The following FER variants were observed in gnomAD, a reference collection of about 807,000 sequenced individuals.
FER encodes the protein tyrosine-protein kinase Fer.
A neutral mutation model predicts 111.0 loss-of-function variants in FER; 63 were observed. The ratio of observed to expected loss-of-function variants is 0.57; its 90% confidence interval spans 0.46 to 0.70. The LOEUF is 0.70. FER is among the 30% of genes least tolerant of loss of function. The pLI, the probability that FER is intolerant of heterozygous loss-of-function variation, is 0.00. For missense variants in FER, 914 were observed against 954.0 expected, an observed-to-expected ratio of 0.96 and a Z score of 0.55; for synonymous variants, 327 against 313.9, an observed-to-expected ratio of 1.04 and a Z score of -0.44.
intron 17 of FER, among the ~76,000 whole-genome samples, chr5:109,146,730 A>G (rs1754261474): frequency 6.6e-6 from 1 of 152,078 alleles, no homozygotes; most frequent in South Asian, 2.1e-4. Flanking sequence ...AAATATCCAT[A>G]TGCCAGAGAT....
chr5:108,903,451 G>C (rs1001570211), intron 10 of FER, among the ~76,000 whole-genome samples: 14 of 152,126 alleles, frequency 9.2e-5, no homozygotes, highest in Non-Finnish European at 1.5e-4. Flanking sequence ...GATCACTTGA[G>C]GTCAGGAGTT....
rs1249968184 is a variant in FER at position 109,188,649 on chromosome 5, A to ATAAT, written c.*1075_*1078dup. 6.6e-6 allele frequency: 1 copy of ATAAT among 152,180 alleles called. No individual in the cohort carries two copies. Among genetic ancestry groups the ATAAT allele is most frequent in the Non-Finnish European group, 1.5e-5 (1 of 68,040 alleles). The allele number at this position is 152,180 out of a possible 1,614,324, so 9.4% of individuals were successfully genotyped here. On this transcript the variant is annotated 3_prime_UTR_variant, in exon 20 of 20. Transcript: ENST00000281092. ...ACATATTCTATTCTAAAAACACATA[A>ATAAT]TAATACATATTCTATTTTATGGTCT...
At chr5:109,055,879 A>T (rs1773582754) in intron 16 of FER, among the ~76,000 whole-genome samples, 1 of 151,704 alleles carries the variant, frequency 6.6e-6, no homozygotes, top group Admixed American at 6.6e-5. Context: ...CAAAAAACAA[A>T]AACAAAACAA....
At chr5:108,850,496 G>C (rs530945324) in intron 5 of FER, among the ~76,000 whole-genome samples, 2 of 151,902 alleles carry the variant, frequency 1.3e-5, no homozygotes, top group African/African-American at 4.8e-5. Context: ...GTAATTTGTC[G>C]TTGTGCTTGA....
At chr5:108,982,924 G>T (rs1454499642) in intron 13 of FER, among the ~76,000 whole-genome samples, 2 of 151,318 alleles carry the variant, frequency 1.3e-5, no homozygotes, top group Non-Finnish European at 2.9e-5. Flanking sequence ...TACCTCATTG[G>T]TTCTGTTGTC....
In FER at chr5:109,100,443, C is replaced by T. The variant is rs968581529; in HGVS notation, c.1972C>T (p.Leu658Phe). The T allele has an allele frequency of 6.2e-7, 1 of 1,611,350 alleles. No individual in the cohort carries two copies. Among genetic ancestry groups the T allele is most frequent in the African/African-American group, 1.3e-5 (1 of 74,906 alleles). ...GAGAAGGAAGAAGGATGAACTAAAA[C>T]TCAAACAGTTAGTGAAATTTTCATT... ...FLRRKKDELK[L>F]KQLVKFSLDA... Residue 658 changes from leucine to phenylalanine, a missense_variant, in exon 17 of 20, where the codon CTC (leucine) becomes TTC (phenylalanine). Leu to Phe is a conservative substitution (Grantham distance 22). Around this residue, in one of 3 missense-constraint regions of FER, gnomAD observed 774 missense variants for 782.6 expected, o/e 0.99. Transcript: ENST00000281092.
chr5:109,038,628 C>T (rs1401626253), intron 14 of FER, among the ~76,000 whole-genome samples: 1 of 151,876 alleles, frequency 6.6e-6, no homozygotes, highest in African/African-American at 2.4e-5. Flanking sequence ...AGCAGTGACT[C>T]ATATGTTATT....
intron 5 of FER, among the ~76,000 whole-genome samples, chr5:108,863,515 T>C (rs1316778404): frequency 6.6e-6 from 1 of 152,196 alleles, no homozygotes; most frequent in Non-Finnish European, 1.5e-5. Context: ...TGTATTATTC[T>C]ATGAAAAATT....
intron 3 of FER, among the ~76,000 whole-genome samples, chr5:108,808,173 T>C (rs1170940260): frequency 2.0e-5 from 3 of 152,124 alleles, no homozygotes; most frequent in Non-Finnish European, 4.4e-5. Context: ...AGAATTTCTT[T>C]CTTAGTTTTC....
intron 5 of FER, among the ~76,000 whole-genome samples, chr5:108,864,983 C>T (rs1356090773): frequency 5.3e-4 from 77 of 144,148 alleles, no homozygotes; most frequent in African/African-American, 6.9e-4. Flanking sequence ...ATTCTTCCTA[C>T]CCATGAGCAT....
chr5:109,045,454 G>A lies in FER; in HGVS notation c.1829+659G>A, dbSNP rs188426795. ...TTCAAAGATGAGTGAATTTATAACTGTTGATAAGATAATAAAGAATAAGAT... is the reference window on the plus strand; with the variant it reads ...TTCAAAGATGAGTGAATTTATAACTATTGATAAGATAATAAAGAATAAGAT... On this transcript the variant is annotated intron_variant, in intron 15 of 19. Transcript: ENST00000281092. 7.5e-3 allele frequency among the ~76,000 whole-genome samples: 1,144 copies of A among 152,172 alleles called. 11 individuals are homozygous for A. Among genetic ancestry groups the A allele is most frequent in the African/African-American group, 0.027 (1,116 of 41,522 alleles).
At chr5:108,841,887 T>C (rs546063094) in intron 5 of FER, 11 of 382,078 alleles carry the variant, frequency 2.9e-5, no homozygotes, top group Non-Finnish European at 5.6e-5. Flanking sequence ...CTGGGATTTG[T>C]AAGGATTAGT....
At chr5:108,977,874 T>A (rs1761570777) in intron 13 of FER, among the ~76,000 whole-genome samples, 1 of 151,984 alleles carries the variant, frequency 6.6e-6, no homozygotes, top group South Asian at 2.1e-4. Flanking sequence ...TTAGATGGAG[T>A]CTCACTATGT....
intron 13 of FER, among the ~76,000 whole-genome samples, chr5:109,023,260 T>A (rs1448998827): frequency 6.6e-6 from 1 of 152,160 alleles, no homozygotes; most frequent in Non-Finnish European, 1.5e-5. Context: ...ATTAAGATTT[T>A]TGGTTTGAGA....
intron 13 of FER, among the ~76,000 whole-genome samples, chr5:108,962,806 A>C (rs1377823168): frequency 6.6e-6 from 1 of 152,204 alleles, no homozygotes; most frequent in Non-Finnish European, 1.5e-5. Flanking sequence ...GAAGAGCTAA[A>C]GATTAAAATG....
intron 13 of FER, among the ~76,000 whole-genome samples, chr5:109,018,539 C>A: frequency 6.6e-6 from 1 of 151,548 alleles, no homozygotes; most frequent in East Asian, 1.9e-4. Context: ...AAGACTTGTC[C>A]CACAATAGTG....
intron 1 of FER, among the ~76,000 whole-genome samples, chr5:108,750,186 C>T (rs1337683633): frequency 1.3e-5 from 2 of 150,958 alleles, no homozygotes; most frequent in Admixed American, 1.3e-4. Flanking sequence ...AGTGGAACAT[C>T]AATAAGAGAA....
intron 17 of FER, among the ~76,000 whole-genome samples, chr5:109,161,422 A>C (rs1755978328): frequency 6.6e-6 from 1 of 151,554 alleles, no homozygotes; most frequent in African/African-American, 2.4e-5. Context: ...CCCTCCTCCC[A>C]CCCTTCATAA....
Position 109,187,440 on chromosome 5 carries a change from G to C in FER, c.2334G>C (p.Arg778=). 6.2e-7 allele frequency: 1 copy of C among 1,613,204 alleles called. No homozygotes were observed. The highest frequency in any genetic ancestry group is 8.5e-7 in the Non-Finnish European group (1 of 1,179,712). ...CTTCTCTTGGGTCTTCAGGATACCGGATGTCAGCTCCCCAGCACTGTCCAG... is the reference window on the plus strand; with the variant it reads ...CTTCTCTTGGGTCTTCAGGATACCGCATGTCAGCTCCCCAGCACTGTCCAG... ...QAREQVERGY[R]MSAPQHCPED... is the part of the protein sequence containing the mutation. The change falls in exon 20 of 20, where the codon CGG becomes CGC. Residue 778 remains arginine, a synonymous_variant. Transcript: ENST00000281092.
Sources: allele counts gnomAD v4.1 joint callset (sites outside exome capture counted in the v4.1 genomes callset), GRCh38; gene constraint gnomAD v4.1.1; regional missense constraint gnomAD v4.1.1; transcripts MANE v1.5; gene names NCBI Gene and HGNC (gene_info 2026-07-23, HGNC 2026-07-21).